SLC9B1: variants seen among roughly 807,000 people sequenced by gnomAD.
SLC9B1 encodes the protein sodium/hydrogen exchanger 9B1.
In SLC9B1, 32 loss-of-function variants were observed where a neutral mutation model predicts 51.7. That is an observed-to-expected ratio of 0.62 (90% confidence interval 0.47 to 0.83). The LOEUF (loss-of-function observed/expected upper bound fraction) is 0.83, where lower values mean the gene tolerates loss of function less well. Ranked by LOEUF, SLC9B1 falls within the 40% of genes least tolerant of loss-of-function variation. The pLI, the probability that SLC9B1 is intolerant of heterozygous loss-of-function variation, is 0.00. For synonymous variants in SLC9B1, 145 were observed against 212.7 expected (o/e 0.68, Z 2.77); for missense variants, 406 against 613.2 (o/e 0.66, Z 3.57).
chr4:102,981,493 G>A (rs1483442684), intron 3 of SLC9B1, among the ~76,000 whole-genome samples: 14 of 152,118 alleles, frequency 9.2e-5, no homozygotes, highest in African/African-American at 2.9e-4. Context: ...AGTTCCTGTT[G>A]CTCCGTACCC....
chr4:102,982,303 G>A lies in SLC9B1; in HGVS notation c.211+7497C>T, dbSNP rs183656048. Among the ~76,000 whole-genome samples, 475 of 152,042 alleles carry A rather than the reference G, an allele frequency of 3.1e-3. 1 individual carries two copies. The highest frequency in any genetic ancestry group is 0.01 in the African/African-American group (433 of 41,494). Reference sequence around the variant, plus strand: ...CCAATACCACATTGTCCTGATTATCGTAGCTTTACAGTAAGTCTTGAAGTT... The same window carrying A: ...CCAATACCACATTGTCCTGATTATCATAGCTTTACAGTAAGTCTTGAAGTT... On this transcript the variant is annotated intron_variant, in intron 3 of 11. Transcript: ENST00000296422.
At chr4:102,903,470 T>C (rs1450314454) in intron 11 of SLC9B1, among the ~76,000 whole-genome samples, 1 of 152,222 alleles carries the variant, frequency 6.6e-6, no homozygotes, top group East Asian at 1.9e-4. Flanking sequence ...ATAGACTTCA[T>C]TGTAAGATGA....
At chr4:102,908,072 T>C (rs1229630801) in intron 9 of SLC9B1, among the ~76,000 whole-genome samples, 1 of 152,406 alleles carries the variant, frequency 6.6e-6, no homozygotes, top group Non-Finnish European at 1.5e-5. Flanking sequence ...AAAGAATATG[T>C]GTAGGAACAG....
chr4:102,961,261 A>G (rs1399735616), intron 3 of SLC9B1, among the ~76,000 whole-genome samples: 1 of 152,288 alleles, frequency 6.6e-6, no homozygotes, highest in Non-Finnish European at 1.5e-5. Flanking sequence ...TGATGCAAAG[A>G]TAATTTTATG....
intron 9 of SLC9B1, among the ~76,000 whole-genome samples, chr4:102,908,296 A>G (rs1735155183): frequency 6.6e-6 from 1 of 152,248 alleles, no homozygotes; most frequent in Non-Finnish European, 1.5e-5. Flanking sequence ...ATGACTGTCT[A>G]GTTTATGTGC....
intron 6 of SLC9B1, among the ~76,000 whole-genome samples, chr4:102,944,814 T>C (rs4280731): frequency 0.34 from 51,096 of 149,010 alleles, 6,882 homozygotes; most frequent in Middle Eastern, 0.41. Flanking sequence ...CCTATGTCTA[T>C]ATAAAATGTT....
In SLC9B1 at chr4:102,947,711, A is replaced by G. The variant is rs111673239; in HGVS notation, c.383-922T>C. On this transcript the variant is annotated intron_variant, in intron 4 of 11. Transcript: ENST00000296422. ...AGTAAGTTCTCACTTAACATCATCA[A>G]TAGGTTATTGGAAATGGCAACTTTG... Among the ~76,000 whole-genome samples, 300 of 152,314 alleles carry G rather than the reference A, an allele frequency of 2.0e-3. 5 individuals are homozygous for G. The highest frequency in any genetic ancestry group is 7.0e-3 in the African/African-American group (293 of 41,578).
intron 7 of SLC9B1, among the ~76,000 whole-genome samples, chr4:102,931,679 A>G (rs1387558295): frequency 6.6e-6 from 1 of 152,216 alleles, no homozygotes; most frequent in African/African-American, 2.4e-5. Flanking sequence ...TTGTCCTAAC[A>G]CTACCATTAA....
chr4:102,987,113 G>C (rs1230646789), intron 3 of SLC9B1, among the ~76,000 whole-genome samples: 1 of 152,072 alleles, frequency 6.6e-6, no homozygotes, highest in African/African-American at 2.4e-5. Context: ...GTGTGTTGGG[G>C]GTGGGGAGAA....
chr4:102,970,608 T>C (rs1226320323), intron 3 of SLC9B1, among the ~76,000 whole-genome samples: 2 of 152,128 alleles, frequency 1.3e-5, no homozygotes, highest in African/African-American at 4.8e-5. Context: ...GCTAACATCA[T>C]AATGACAGGA....
intron 1 of SLC9B1, among the ~76,000 whole-genome samples, chr4:103,002,728 T>G (rs1458177305): frequency 6.6e-6 from 1 of 152,236 alleles, no homozygotes; most frequent in African/African-American, 2.4e-5. Context: ...TTCCATTGCC[T>G]CTGAGCAGCC....
chr4:102,978,920 T>G (rs1335801322), intron 3 of SLC9B1, among the ~76,000 whole-genome samples: 2 of 152,218 alleles, frequency 1.3e-5, no homozygotes, highest in Admixed American at 6.5e-5. Flanking sequence ...TAGTATTTAT[T>G]GATATGGTTA....
Position 102,905,654 on chromosome 4 carries a change from C to T in SLC9B1, c.1196-4G>A, listed in dbSNP as rs1465473716. 1 of 1,606,868 alleles carries T rather than the reference C, an allele frequency of 6.2e-7. No individual in the cohort carries two copies. The highest frequency in any genetic ancestry group is 1.3e-5 in the African/African-American group (1 of 74,636). On this transcript the variant is annotated splice_polypyrimidine_tract_variant and splice_region_variant and intron_variant, in intron 10 of 11. Transcript: ENST00000296422. ...CTTAGAGTGGCAACAGATATGCCTA[C>T]AACAGATGAAAACAAACATAAATAA...
intron 3 of SLC9B1, among the ~76,000 whole-genome samples, chr4:102,968,648 G>T (rs1418548718): frequency 6.6e-6 from 1 of 152,206 alleles, no homozygotes; most frequent in Admixed American, 6.5e-5. Flanking sequence ...ATTTCCAACT[G>T]AGGTACCTGG....
At chr4:102,955,875 AAG>A (rs1737772593) in intron 3 of SLC9B1, among the ~76,000 whole-genome samples, 1 of 142,228 alleles carries the variant, frequency 7.0e-6, no homozygotes, top group African/African-American at 2.8e-5. Flanking sequence ...GAAAGAAAGA[AAG>A]AAAGAAAGAA....
intron 3 of SLC9B1, among the ~76,000 whole-genome samples, chr4:102,968,931 C>G (rs1738586228): frequency 6.6e-6 from 1 of 152,212 alleles, no homozygotes; most frequent in African/African-American, 2.4e-5. Context: ...TTGCTTACTG[C>G]TAGCGCAGCA....
At chr4:102,885,263 C>G in exon 12 of SLC9B1, 1 of 1,614,126 alleles carries the variant, frequency 6.2e-7, no homozygotes, top group Non-Finnish European at 8.5e-7. Flanking sequence ...ACTCGCACTT[C>G]TTGGCTACCT....
intron 11 of SLC9B1, 80 bp downstream of exon 11, chr4:102,905,434 G>A (rs1383609650): frequency 3.7e-5 from 51 of 1,383,866 alleles, no homozygotes; most frequent in Non-Finnish European, 4.6e-5. Context: ...CATATTTTGT[G>A]ACTAGAGTAA....
intron 1 of SLC9B1, among the ~76,000 whole-genome samples, chr4:103,007,929 T>C (rs115631195): frequency 0.012 from 1,823 of 152,248 alleles, 16 homozygotes; most frequent in Non-Finnish European, 0.02. Context: ...AGAATCACAT[T>C]TGAGGACAGA....
Sources: allele counts gnomAD v4.1 joint callset (sites outside exome capture counted in the v4.1 genomes callset), GRCh38; gene constraint gnomAD v4.1.1; transcripts MANE v1.5; gene names NCBI Gene and HGNC (gene_info 2026-07-23, HGNC 2026-07-21).